CXCL3: variants seen among roughly 807,000 people sequenced by gnomAD.
CXCL3 encodes C-X-C motif chemokine 3.
A neutral mutation model predicts 11.5 loss-of-function variants in CXCL3; 10 were observed. The ratio of observed to expected loss-of-function variants is 0.87; its 90% CI spans 0.54 to 1.48. The LOEUF is 1.48. Ranked by LOEUF, CXCL3 falls within the 40% of genes most tolerant of loss-of-function variation. The pLI is 0.00. For synonymous variants in CXCL3, 61 were observed against 60.9 expected (o/e 1.00, Z -0.01); for missense variants, 149 against 139.1 (o/e 1.07, Z -0.36).
rs558613371 is a variant in CXCL3 at position 74,037,398 on chromosome 4, T to C, written c.309-121A>G. 6.6e-5 allele frequency: 80 copies of C among 1,212,088 alleles called. 1 individual carries two copies. In the South Asian group the frequency reaches 9.9e-4, roughly 15 times the overall value. The allele number at this position is 1,212,088 out of a possible 1,614,324, so 75.1% of individuals were successfully genotyped here. On this transcript the variant is annotated intron_variant, in intron 3 of 3. Transcript: ENST00000296026. Reference sequence around the variant, plus strand: ...CTCCCAGCCCTCCACTCAGGGAAGGTCTGTCTGTACCCACTGCCTTCTATA... The same window carrying C: ...CTCCCAGCCCTCCACTCAGGGAAGGCCTGTCTGTACCCACTGCCTTCTATA...
intron 3 of CXCL3, chr4:74,037,655 G>C (rs1188369160): frequency 1.0e-5 from 3 of 300,428 alleles, no homozygotes. Flanking sequence ...AACGTTGACA[G>C]GGATCCTAGC....
Position 74,037,229 on chromosome 4 carries a change from T to C in CXCL3, c.*33A>G. ...GGGACCACCCTGCAGGAAGTGTCAA[T>C]GATACGCTGATAAGCTTCTTACTTC... On this transcript the variant is annotated 3_prime_UTR_variant, in exon 4 of 4. Coordinates refer to ENST00000296026, the MANE Select transcript of CXCL3 (RefSeq NM_002090.3). The C allele has an allele frequency of 6.2e-7, 1 of 1,613,966 alleles. No individual in the cohort carries two copies. The highest frequency in any genetic ancestry group is 8.5e-7 in the Non-Finnish European group (1 of 1,179,862).
At chr4:74,037,615 C>A in intron 3 of CXCL3, 1 of 329,270 alleles carries the variant, frequency 3.0e-6, no homozygotes, top group Non-Finnish European at 5.6e-6. Flanking sequence ...ATTATCTACC[C>A]TATTTTGCTA....
rs781635868 is a variant in CXCL3, at chr4:74,038,282, G to A, written c.224+8C>T. The stretch of plus-strand genomic sequence containing the variant: ...GCGGTGGCAGCGGAAGCGCGGGGCG[G>A]GACTTACATGACTTCGGTTTGGGCG... On this transcript the variant is annotated splice_region_variant and intron_variant, in intron 2 of 3. Coordinates refer to ENST00000296026, the MANE Select transcript of CXCL3 (RefSeq NM_002090.3). The A allele has an allele frequency of 1.9e-6, 3 of 1,613,978 alleles. No individual in the cohort carries two copies. The highest frequency in any genetic ancestry group is 1.1e-5 in the South Asian group (1 of 91,066).
chr4:74,037,999 TC>T (rs1410322275), intron 3 of CXCL3, 93 bp downstream of exon 3: 4 of 1,292,576 alleles, frequency 3.1e-6, no homozygotes, highest in Non-Finnish European at 4.4e-6. Flanking sequence ...TTCAGCTAAC[TC>T]TTGGGGTTCC....
intron 3 of CXCL3, chr4:74,037,724 G>A (rs1338998701): frequency 3.2e-6 from 1 of 309,388 alleles, no homozygotes; most frequent in Non-Finnish European, 6.0e-6. Context: ...AAGGCTTACA[G>A]GCCCAAAGTG....
At chr4:74,038,475 G>C (rs756808288) in intron 1 of CXCL3, 37 bp downstream of exon 1, 2 of 1,577,808 alleles carry the variant, frequency 1.3e-6, no homozygotes, top group Admixed American at 1.9e-5. Flanking sequence ...CACCCCAGCC[G>C]CGTCCGGCCC....
At chr4:74,037,517 A>G (rs1439092248) in intron 3 of CXCL3, 2 of 525,750 alleles carry the variant, frequency 3.8e-6, no homozygotes, top group Non-Finnish European at 6.8e-6. Context: ...AAAAGCCAAA[A>G]CATATTGGTC....
At chr4:74,038,490 A>G (rs1720050740) in intron 1 of CXCL3, 22 bp downstream of exon 1, 2 of 1,561,508 alleles carry the variant, frequency 1.3e-6, no homozygotes, top group Admixed American at 4.0e-5. Flanking sequence ...CGGCCCGGGG[A>G]CCCCAGGGCG....
At position 74,037,136 on chromosome 4, in the gene CXCL3, T is replaced by G. The variant is rs1438072288; in HGVS notation, c.*126A>C. The G allele has an allele frequency of 4.1e-6, 4 of 978,522 alleles. No individual in the cohort carries two copies. The highest frequency in any genetic ancestry group is 6.3e-6 in the Non-Finnish European group (4 of 637,040). The allele number at this position is 978,522 out of a possible 1,614,324, so 60.6% of individuals were successfully genotyped here. On this transcript the variant is annotated 3_prime_UTR_variant, in exon 4 of 4. Transcript: ENST00000296026. ...CCCTCGTAAGAAATAGTCAAACACA[T>G]TAAGTCCTTTCCAGCTGTCCCTAGA...
chr4:74,037,436 C>A, intron 3 of CXCL3, 159 bp from the exon 4 acceptor site: 1 of 551,890 alleles, frequency 1.8e-6, no homozygotes, highest in Non-Finnish European at 3.0e-6. Flanking sequence ...AGAAAACTTG[C>A]ACTCCTGAAT....
chr4:74,038,601 G>C lies in CXCL3; in HGVS notation c.11C>G (p.Ala4Gly), dbSNP rs570431901. The C allele has an allele frequency of 2.7e-6, 4 of 1,481,394 alleles. No individual in the cohort carries two copies. In the South Asian group the frequency reaches 5.3e-5, roughly 19 times the overall value. 91.8% of individuals were successfully genotyped at this position (1,481,394 alleles called of 1,614,324 possible). A position where few individuals can be genotyped will look rare whatever the true frequency, so the allele number is the denominator to read the frequency against. Reference protein sequence around the residue: MAHATLSAAPSNPR... With the variant: MAHGTLSAAPSNPR... ...ATTGCTGGGGGCGGCGGAGAGCGTG[G>C]CGTGGGCCATGGGGCTCAGCAGACG... The change falls in exon 1 of 4, where the codon GCC becomes GGC. Residue 4 changes from alanine (A) to glycine (G), a missense_variant. Physicochemically the swap from Ala to Gly is moderately conservative, Grantham distance 60. Transcript: ENST00000296026.
chr4:74,038,432 G>C lies in CXCL3; in HGVS notation c.101-19C>G, dbSNP rs770596414. 17 of 1,606,102 alleles carry C rather than the reference G, an allele frequency of 1.1e-5. No homozygotes were observed. The South Asian group carries it at 1.8e-4, about 17-fold the overall frequency. On this transcript the variant is annotated intron_variant, in intron 1 of 3. Transcript: ENST00000296026. Reference sequence around the variant, plus strand: ...GACGCTCCTAGGGAAGAATAGACTCGCTGATTGAGCGGGGCTGTCGGCGCG... The same window carrying C: ...GACGCTCCTAGGGAAGAATAGACTCCCTGATTGAGCGGGGCTGTCGGCGCG...
intron 3 of CXCL3, 115 bp from the exon 4 acceptor site, chr4:74,037,392 G>A (rs1027674201): frequency 6.3e-6 from 8 of 1,269,110 alleles, no homozygotes; most frequent in East Asian, 4.8e-5. Context: ...CTCCACTCAG[G>A]GAAGGTCTGT....
intron 3 of CXCL3, 99 bp from the exon 4 acceptor site, chr4:74,037,376 C>T (rs1012177395): frequency 7.0e-7 from 1 of 1,431,646 alleles, no homozygotes; most frequent in Non-Finnish European, 9.8e-7. Flanking sequence ...AGACTCTCTC[C>T]CAGCCCTCCA....
At chr4:74,037,373 C>T (rs1323679380) in intron 3 of CXCL3, 96 bp from the exon 4 acceptor site, 6 of 1,436,732 alleles carry the variant, frequency 4.2e-6, no homozygotes, top group Admixed American at 1.7e-5. Flanking sequence ...TGCAGACTCT[C>T]TCCCAGCCCT....
In CXCL3 at chr4:74,037,331, T is replaced by A. The variant is rs1020011090; in HGVS notation, c.309-54A>T. On this transcript the variant is annotated intron_variant, in intron 3 of 3. Coordinates refer to ENST00000296026, the MANE Select transcript of CXCL3 (RefSeq NM_002090.3). ...GGTGCTAAGGAAGGCTGCTCTTCTGTCACTCTGAAGTTGCTTGGAGGGATG... is the reference window on the plus strand; with the variant it reads ...GGTGCTAAGGAAGGCTGCTCTTCTGACACTCTGAAGTTGCTTGGAGGGATG... The A allele has an allele frequency of 9.9e-6, 16 of 1,611,758 alleles. 1 individual carries two copies. The highest frequency in any genetic ancestry group is 3.4e-6 in the Non-Finnish European group (4 of 1,178,264).
In CXCL3 at chr4:74,037,028, T is replaced by C; in HGVS notation, c.*234A>G. ...ATAATCAGGACTGAGCTATGTTTGA[T>C]GAAACACACTCACATCTTTAAATAA... is the stretch of plus-strand genomic sequence containing the variant. On this transcript the variant is annotated 3_prime_UTR_variant, in exon 4 of 4. Transcript: ENST00000296026. The C allele has an allele frequency of 4.2e-6, 2 of 473,532 alleles. No individual in the cohort carries two copies. The highest frequency in any genetic ancestry group is 7.6e-6 in the Non-Finnish European group (2 of 262,522). 29.3% of individuals were successfully genotyped at this position (473,532 alleles called of 1,614,324 possible). A position where few individuals can be genotyped will look rare whatever the true frequency, so the allele number is the denominator to read the frequency against.
At position 74,036,617 on chromosome 4, in the gene CXCL3, G is replaced by A. The variant is rs1719996981; in HGVS notation, c.*645C>T. ...TTTTTCATAAAACTTTTATTATCAT[G>A]TCATTTGTACAAATGTAACAGTAAT... On this transcript the variant is annotated 3_prime_UTR_variant, in exon 4 of 4. Transcript: ENST00000296026. 2 of 151,898 alleles carry A rather than the reference G, an allele frequency of 1.3e-5. No homozygotes were observed. 9.4% of individuals were successfully genotyped at this position (151,898 alleles called of 1,614,324 possible). A position where few individuals can be genotyped will look rare whatever the true frequency, so the allele number is the denominator to read the frequency against.
Sources: gnomAD v4.1 joint callset for allele counts on GRCh38, gnomAD v4.1.1 for gene constraint, MANE v1.5 for transcripts, NCBI Gene and HGNC (gene_info 2026-07-23, HGNC 2026-07-21) for gene names.